APC2: variants seen among roughly 807,000 people sequenced by gnomAD.
APC2 encodes APC regulator of Wnt signaling pathway 2.
In APC2, 41 loss-of-function variants were observed where a neutral mutation model predicts 72.5. The observed-to-expected ratio is 0.57, with a 90% CI of 0.44 to 0.73. The LOEUF (loss-of-function observed/expected upper bound fraction) is 0.73, where lower values mean the gene tolerates loss of function less well. Ranked by LOEUF, APC2 falls within the 30% of genes least tolerant of loss-of-function variation. APC2 has a pLI of 0.00. For missense variants in APC2, 3,729 were observed against 3,403.4 expected, an observed-to-expected ratio of 1.10 and a Z score of -2.38; for synonymous variants, 1,898 against 1,612.0, an observed-to-expected ratio of 1.18 and a Z score of -4.25.
At position 1,465,268 on chromosome 19, in the gene APC2, G is replaced by C; in HGVS notation, c.1967G>C (p.Ser656Thr). ...ACGCTCTGGAACCTGTCGGCCCGCA[G>C]CGCCCGTGACCAGGAGCTGCTGTGG... is the stretch of plus-strand genomic sequence containing the variant. The part of the protein sequence containing the change: ...CGTLWNLSAR[S>T]ARDQELLWDL... Residue 656 changes from serine to threonine, a missense_variant, in exon 15 of 15, where the codon AGC (serine) becomes ACC (threonine). Transcript: ENST00000590469. 6.2e-7 allele frequency: 1 copy of C among 1,606,980 alleles called. No homozygotes were observed. Among genetic ancestry groups the C allele is most frequent in the Non-Finnish European group, 8.5e-7 (1 of 1,179,284 alleles).
In APC2 at chr19:1,468,748, G is replaced by T; in HGVS notation, c.5447G>T (p.Arg1816Leu). 1 of 1,498,908 alleles carries T rather than the reference G, an allele frequency of 6.7e-7. No homozygotes were observed. The allele number at this position is 1,498,908 out of a possible 1,614,324, so 92.9% of individuals were successfully genotyped here. ...ACCCCCGGCCCCCGCGCCACACCGC[G>T]GAAGGTGGCGCCCCCTTGCCTGGCA... ...KGTPGPRATP[R>L]KVAPPCLAQP... Residue 1816 changes from arginine (R) to leucine (L), a missense_variant, in exon 15 of 15, where the codon CGG becomes CTG. Physicochemically the swap from Arg to Leu is moderately radical, Grantham distance 102. Transcript: ENST00000590469.
intron 1 of APC2, among the ~76,000 whole-genome samples, chr19:1,450,862 A>G (rs2083734529): frequency 6.6e-6 from 1 of 152,188 alleles, no homozygotes; most frequent in African/African-American, 2.4e-5. Flanking sequence ...AAGAAGCTGC[A>G]CTGTGTGGGA....
At chr19:1,448,492 G>T (rs995276850), upstream of APC2, among the ~76,000 whole-genome samples, 1 of 150,836 alleles carries the variant, frequency 6.6e-6, no homozygotes, top group Non-Finnish European at 1.5e-5. Context: ...GTTGCGGTGA[G>T]CCGAGATGGC....
Position 1,468,915 on chromosome 19 carries a change from C to T in APC2, c.5614C>T (p.Pro1872Ser). The T allele has an allele frequency of 6.5e-7, 1 of 1,532,346 alleles. No homozygotes were observed. The highest frequency in any genetic ancestry group is 1.9e-5 in the Admixed American group (1 of 51,902). 94.9% of individuals were successfully genotyped at this position (1,532,346 alleles called of 1,614,324 possible). A position where few individuals can be genotyped will look rare whatever the true frequency, so the allele number is the denominator to read the frequency against. The change falls in exon 15 of 15, where the codon CCC (proline) becomes TCC (serine). Residue 1872 changes from proline (P) to serine (S), a missense_variant. Pro to Ser is a moderately conservative substitution (Grantham distance 74). Coordinates refer to ENST00000590469, the MANE Select transcript of APC2 (RefSeq NM_005883.3). The part of the protein sequence containing the change: ...ATPPARLAKT[P>S]SSSSSQTSPA... ...ACCGCCCGCCCGCCTCGCCAAGACC[C>T]CCTCCTCCAGCTCCTCCCAGACCTC...
chr19:1,462,422 G>A (rs1022790424), intron 14 of APC2, among the ~76,000 whole-genome samples: 28 of 152,032 alleles, frequency 1.8e-4, no homozygotes, highest in Non-Finnish European at 2.6e-4. Context: ...TTGGGAGGCC[G>A]AGGCAGGCAG....
upstream of APC2, among the ~76,000 whole-genome samples, chr19:1,448,618 G>T (rs919462216): frequency 2.0e-5 from 3 of 151,738 alleles, no homozygotes; most frequent in African/African-American, 7.3e-5. Context: ...GGCCGAGGCG[G>T]GTGGATCACG....
rs891566993 is a variant in APC2, at chr19:1,469,243, G to A, written c.5942G>A (p.Ser1981Asn). 7.0e-7 allele frequency: 1 copy of A among 1,426,010 alleles called. No individual in the cohort carries two copies. Among genetic ancestry groups the A allele is most frequent in the Non-Finnish European group, 9.2e-7 (1 of 1,087,856 alleles). 88.3% of individuals were successfully genotyped at this position (1,426,010 alleles called of 1,614,324 possible). Reference protein sequence around the residue: ...GLVRVASALSSGSESSDRSGF... With the variant: ...GLVRVASALSNGSESSDRSGF... ...GTGCGTGTGGCCTCAGCCCTCTCCA[G>A]CGGCAGCGAGTCCTCCGACCGCTCG... The change falls in exon 15 of 15, where the codon AGC becomes AAC. Residue 1981 changes from serine (S) to asparagine (N), a missense_variant. By Grantham distance (46) the Ser-to-Asn change is conservative. Transcript: ENST00000590469.
chr19:1,465,126 GC>G, intron 14 of APC2, 28 bp from the exon 15 acceptor site: 1 of 1,576,652 alleles, frequency 6.3e-7, no homozygotes, highest in Non-Finnish European at 8.6e-7. Flanking sequence ...GTGGGGGGTG[GC>G]CCAGGCTAAC....
At position 1,465,869 on chromosome 19, in the gene APC2, G is replaced by C; in HGVS notation, c.2568G>C (p.Gln856His). Residue 856 changes from glutamine to histidine, a missense_variant, in exon 15 of 15, where the codon CAG becomes CAC. Gln to His is a conservative substitution (Grantham distance 24). Transcript: ENST00000590469. ...CGCTTGCAGTGGCGCGCATCGACCA[G>C]CTGGTGGAGGACATCTCCGCCCTGC... ...KLALAVARID[Q>H]LVEDISALHT... 1 of 1,566,214 alleles carries C rather than the reference G, an allele frequency of 6.4e-7. No homozygotes were observed. Among genetic ancestry groups the C allele is most frequent in the Non-Finnish European group, 8.6e-7 (1 of 1,159,048 alleles).
In APC2 at chr19:1,469,809, C is replaced by T. The variant is rs747088059; in HGVS notation, c.6508C>T (p.Arg2170Trp). The part of the protein sequence containing the change: ...STLPATALPL[R>W]GSTPEDAPAG... ...GCTTCCCGCCACGGCCCTGCCACTG[C>T]GGGGCTCCACGCCCGAGGACGCCCC... Residue 2170 changes from arginine to tryptophan, a missense_variant, in exon 15 of 15, where the codon CGG (arginine) becomes TGG (tryptophan). By Grantham distance (101) the Arg-to-Trp change is moderately radical (BLOSUM62 -3). Transcript: ENST00000590469. 3 of 1,521,804 alleles carry T rather than the reference C, an allele frequency of 2.0e-6. No individual in the cohort carries two copies. In the Admixed American group the frequency reaches 6.0e-5, roughly 30 times the overall value. 94.3% of individuals were successfully genotyped at this position (1,521,804 alleles called of 1,614,324 possible).
intron 13 of APC2, 83 bp downstream of exon 13, chr19:1,461,236 G>T: frequency 8.0e-7 from 1 of 1,247,708 alleles, no homozygotes; most frequent in South Asian, 1.2e-5. Context: ...TCTCCGACTT[G>T]GGAGGAAATC....
rs1256079402 is a variant in APC2 at position 1,468,507 on chromosome 19, A to G, written c.5206A>G (p.Arg1736Gly). The G allele has an allele frequency of 2.5e-6, 4 of 1,603,296 alleles. No homozygotes were observed. The highest frequency in any genetic ancestry group is 3.4e-5 in the Admixed American group (2 of 59,612). ...VGSTLQPPKH[R>G]KGRQAEGEMG... is the part of the protein sequence containing the mutation. The stretch of plus-strand genomic sequence containing the variant: ...ATCCACCCTACAGCCCCCCAAGCAC[A>G]GGAAGGGACGACAGGCGGAGGGAGA... The change falls in exon 15 of 15, where the codon AGG becomes GGG. Residue 1736 changes from arginine to glycine, a missense_variant. Physicochemically the swap from Arg to Gly is moderately radical, Grantham distance 125 (BLOSUM62 -2). Transcript: ENST00000590469.
Position 1,469,389 on chromosome 19 carries a change from C to T in APC2, c.6088C>T (p.Arg2030Trp), listed in dbSNP as rs1946406566. Residue 2030 changes from arginine (R) to tryptophan (W), a missense_variant, in exon 15 of 15, where the codon CGG becomes TGG. Transcript: ENST00000590469. ...APQGASPRRG[R>W]PALPAVFLCS... Reference sequence around the variant, plus strand: ...CCAGGGCGCCTCGCCCCGCCGCGGCCGGCCCGCGCTGCCCGCCGTCTTCCT... The same window carrying T: ...CCAGGGCGCCTCGCCCCGCCGCGGCTGGCCCGCGCTGCCCGCCGTCTTCCT... 8.2e-7 allele frequency: 1 copy of T among 1,219,254 alleles called. No homozygotes were observed. Among genetic ancestry groups the T allele is most frequent in the Admixed American group, 4.4e-5 (1 of 22,926 alleles). 75.5% of individuals were successfully genotyped at this position (1,219,254 alleles called of 1,614,324 possible). A position where few individuals can be genotyped will look rare whatever the true frequency, so the allele number is the denominator to read the frequency against.
Position 1,469,798 on chromosome 19 carries a change from C to A in APC2, c.6497C>A (p.Ala2166Asp). 6.6e-7 allele frequency: 1 copy of A among 1,521,778 alleles called. No individual in the cohort carries two copies. Among genetic ancestry groups the A allele is most frequent in the Non-Finnish European group, 8.8e-7 (1 of 1,142,138 alleles). 94.3% of individuals were successfully genotyped at this position (1,521,778 alleles called of 1,614,324 possible). Residue 2166 changes from alanine (A) to aspartate (D), a missense_variant, in exon 15 of 15, where the codon GCC (alanine) becomes GAC (aspartate). Ala to Asp is a moderately radical substitution (Grantham distance 126). Transcript: ENST00000590469. Reference sequence around the variant, plus strand: ...CTGCGCAGCACGCTTCCCGCCACGGCCCTGCCACTGCGGGGCTCCACGCCC... The same window carrying A: ...CTGCGCAGCACGCTTCCCGCCACGGACCTGCCACTGCGGGGCTCCACGCCC... Reference protein sequence around the residue: ...HILRSTLPATALPLRGSTPED... With the variant: ...HILRSTLPATDLPLRGSTPED...
chr19:1,471,515 C>T lies in APC2; in HGVS notation c.*1302C>T, dbSNP rs2084134082. ...GGGAGGCTGGGAGCTGGGCCTCCTG[C>T]GTGGGGTGGGACTCGCAGGGGCCGG... On this transcript the variant is annotated 3_prime_UTR_variant, in exon 15 of 15. Transcript: ENST00000590469. 2 of 152,224 alleles carry T rather than the reference C, an allele frequency of 1.3e-5. 1 individual carries two copies. Among genetic ancestry groups the T allele is most frequent in the Non-Finnish European group, 2.9e-5 (2 of 68,056 alleles). The allele number at this position is 152,224 out of a possible 1,614,324, so 9.4% of individuals were successfully genotyped here. A position where few individuals can be genotyped will look rare whatever the true frequency, so the allele number is the denominator to read the frequency against.
rs770571051 is a variant in APC2 at position 1,466,179 on chromosome 19, G to C, written c.2878G>C (p.Gly960Arg). Residue 960 changes from glycine to arginine, a missense_variant, in exon 15 of 15, where the codon GGG becomes CGG. By Grantham distance (125) the Gly-to-Arg change is moderately radical. Transcript: ENST00000590469. ...LASRREDPRC[G>R]QPRPSRLDLD... Reference sequence around the variant, plus strand: ...TTCGCGCCGCGAGGACCCCAGGTGTGGGCAGCCTCGGCCCAGCCGGCTTGA... The same window carrying C: ...TTCGCGCCGCGAGGACCCCAGGTGTCGGCAGCCTCGGCCCAGCCGGCTTGA... The C allele has an allele frequency of 6.4e-7, 1 of 1,562,194 alleles. No homozygotes were observed. The highest frequency in any genetic ancestry group is 1.9e-5 in the Admixed American group (1 of 53,768).
chr19:1,457,503 C>A, intron 9 of APC2: 1 of 560,586 alleles, frequency 1.8e-6, no homozygotes, highest in Non-Finnish European at 3.1e-6. Context: ...AAGTTGGGTG[C>A]AGACTTTGAG....
At position 1,469,555 on chromosome 19, in the gene APC2, C is replaced by CTG; in HGVS notation, c.6257_6258dup (p.Arg2087CysfsTer249). 1 of 1,231,082 alleles carries CTG rather than the reference C, an allele frequency of 8.1e-7. No individual in the cohort carries two copies. The highest frequency in any genetic ancestry group is 1.6e-5 in the African/African-American group (1 of 62,028). 76.3% of individuals were successfully genotyped at this position (1,231,082 alleles called of 1,614,324 possible). On this transcript the variant is annotated frameshift_variant, in exon 15 of 15. Transcript: ENST00000590469. LOFTEE classifies it low-confidence loss of function (END_TRUNC). Reference sequence around the variant, plus strand: ...ACCTCCGAGAGCCCGTCCCGCCTGCCTGTGCGCGCGCCCGCCGCCCGGCCG... The same window carrying CTG: ...ACCTCCGAGAGCCCGTCCCGCCTGCCTGTGTGCGCGCGCCCGCCGCCCGGCCG...
At position 1,469,015 on chromosome 19, in the gene APC2, C is replaced by A. The variant is rs868180021; in HGVS notation, c.5714C>A (p.Ala1905Asp). The A allele has an allele frequency of 1.3e-6, 2 of 1,550,942 alleles. No homozygotes were observed. Among genetic ancestry groups the A allele is most frequent in the East Asian group, 2.5e-5 (1 of 40,580 alleles). Residue 1905 changes from alanine to aspartate, a missense_variant, in exon 15 of 15, where the codon GCC (alanine) becomes GAC (aspartate). Coordinates refer to ENST00000590469, the MANE Select transcript of APC2 (RefSeq NM_005883.3). ...QAAGALPGPG[A>D]SPVPKTPART... is the part of the protein sequence containing the mutation. ...GCTGGGGCCCTGCCCGGCCCCGGAG[C>A]CTCCCCGGTGCCCAAAACGCCGGCG...
Sources: gnomAD v4.1 joint callset for allele counts (sites outside exome capture counted in the v4.1 genomes callset) on GRCh38, gnomAD v4.1.1 for gene constraint, MANE v1.5 for transcripts, NCBI Gene and HGNC (gene_info 2026-07-23, HGNC 2026-07-21) for gene names.